The following PAK5 variants were observed in gnomAD, a reference collection of about 807,000 sequenced individuals.
The protein encoded by PAK5 is serine/threonine-protein kinase PAK 5.
Under a neutral mutation model 65.9 loss-of-function variants are expected in PAK5, and 16 were observed. The observed-to-expected ratio is 0.24, with a 90% CI of 0.16 to 0.37. PAK5 has a LOEUF of 0.37. Among genes scored for constraint, PAK5 ranks in the 10% least tolerant of loss-of-function variants. The pLI is 1.00. For missense variants in PAK5, 785 were observed against 903.9 expected, an observed-to-expected ratio of 0.87 and a Z score of 1.69; for synonymous variants, 371 against 354.9, an observed-to-expected ratio of 1.05 and a Z score of -0.51.
intron 1 of PAK5, among the ~76,000 whole-genome samples, chr20:9,761,126 G>A (rs1271487737): frequency 1.3e-5 from 2 of 152,246 alleles, no homozygotes; most frequent in Non-Finnish European, 1.5e-5. Flanking sequence ...CGCAACAGAA[G>A]TTTAAAAGGA....
chr20:9,762,177 A>G (rs1236098212), intron 1 of PAK5, among the ~76,000 whole-genome samples: 1 of 152,192 alleles, frequency 6.6e-6, no homozygotes. Flanking sequence ...GAACACAGAG[A>G]AAAAATTCTT....
chr20:9,557,490 T>C, intron 7 of PAK5, 118 bp downstream of exon 7: 3 of 744,970 alleles, frequency 4.0e-6, no homozygotes, highest in Admixed American at 3.2e-5. Flanking sequence ...GGAAGAGAAG[T>C]AGGTGACTTG....
At chr20:9,574,841 G>GCTT (rs1204109779) in intron 4 of PAK5, among the ~76,000 whole-genome samples, 2 of 152,138 alleles carry the variant, frequency 1.3e-5, no homozygotes, top group African/African-American at 4.8e-5. Flanking sequence ...GTGATCAAGT[G>GCTT]CTTCTCTCTT....
intron 3 of PAK5, among the ~76,000 whole-genome samples, chr20:9,601,235 G>A: frequency 6.6e-6 from 1 of 152,126 alleles, no homozygotes; most frequent in Non-Finnish European, 1.5e-5. Flanking sequence ...TTAATTTCAT[G>A]TGTAAGCATA....
intron 3 of PAK5, among the ~76,000 whole-genome samples, chr20:9,609,469 A>G (rs2046517495): frequency 6.6e-6 from 1 of 152,150 alleles, no homozygotes; most frequent in Non-Finnish European, 1.5e-5. Flanking sequence ...AGGCAAAGAC[A>G]CTCAAGGGGA....
intron 1 of PAK5, among the ~76,000 whole-genome samples, chr20:9,826,781 C>G (rs1335559716): frequency 6.6e-6 from 1 of 152,138 alleles, no homozygotes; most frequent in East Asian, 1.9e-4. Flanking sequence ...ATATAAAACC[C>G]CAGCTTTCAC....
chr20:9,553,019 G>A lies in PAK5; in HGVS notation c.1743+4589C>T, dbSNP rs564003602. On this transcript the variant is annotated intron_variant, in intron 7 of 9. Coordinates refer to ENST00000353224, the MANE Select transcript of PAK5 (RefSeq NM_177990.4). ...TGAGATTACAGATGTGAGCCACCAC[G>A]CCCTGCCAACTTTTTAATTTTTAAA... Among the ~76,000 whole-genome samples the A allele has an allele frequency of 1.9e-3, 294 of 152,106 alleles. 1 individual carries two copies. The highest frequency in any genetic ancestry group is 3.4e-4 in the Non-Finnish European group (23 of 67,988).
At chr20:9,651,425 G>T (rs1373642260) in intron 2 of PAK5, among the ~76,000 whole-genome samples, 5 of 152,180 alleles carry the variant, frequency 3.3e-5, no homozygotes, top group African/African-American at 1.2e-4. Context: ...TAGAGGAGCA[G>T]CTACTTGACC....
chr20:9,700,541 C>G (rs1267029425), intron 2 of PAK5, among the ~76,000 whole-genome samples: 2 of 152,172 alleles, frequency 1.3e-5, no homozygotes, highest in Admixed American at 1.3e-4. Context: ...CCATCATGCA[C>G]TAGTTTTCCT....
intron 3 of PAK5, among the ~76,000 whole-genome samples, chr20:9,620,959 AAGAGAGAGAGAG>A (rs71803029): frequency 2.0e-5 from 3 of 147,158 alleles, no homozygotes; most frequent in East Asian, 2.0e-4. Context: ...GAGAGAGAGA[AAGAGAGAGAGAG>A]AGAGAGAGAG....
At chr20:9,730,833 A>T (rs1001534090) in intron 1 of PAK5, among the ~76,000 whole-genome samples, 6 of 152,216 alleles carry the variant, frequency 3.9e-5, no homozygotes, top group Admixed American at 2.6e-4. Context: ...CTATTATATA[A>T]GGACTCAGCC....
At chr20:9,677,440 C>A (rs1180812228) in intron 2 of PAK5, among the ~76,000 whole-genome samples, 1 of 152,130 alleles carries the variant, frequency 6.6e-6, no homozygotes, top group Non-Finnish European at 1.5e-5. Context: ...GCAGGGCCTG[C>A]ACCATAGGCT....
chr20:9,710,125 A>C (rs1029863052), intron 2 of PAK5, among the ~76,000 whole-genome samples: 1 of 151,654 alleles, frequency 6.6e-6, no homozygotes, highest in African/African-American at 2.4e-5. Context: ...TCCTTAAAAA[A>C]CTCTTGTTTC....
At chr20:9,678,737 A>C (rs2047609272) in intron 2 of PAK5, among the ~76,000 whole-genome samples, 1 of 152,120 alleles carries the variant, frequency 6.6e-6, no homozygotes, top group South Asian at 2.1e-4. Flanking sequence ...TGCCAAGCAA[A>C]AGGGGGGAAA....
intron 2 of PAK5, among the ~76,000 whole-genome samples, chr20:9,649,619 A>AGGCAT (rs1157905162): frequency 1.3e-5 from 2 of 152,168 alleles, no homozygotes; most frequent in African/African-American, 4.8e-5. Flanking sequence ...TCCAACATGC[A>AGGCAT]GGCATCTCCC....
At chr20:9,627,713 G>A (rs1198281799) in intron 3 of PAK5, among the ~76,000 whole-genome samples, 2 of 151,816 alleles carry the variant, frequency 1.3e-5, no homozygotes, top group Non-Finnish European at 1.5e-5. Flanking sequence ...TGCAACCTCC[G>A]CCTCCTGGGT....
intron 2 of PAK5, among the ~76,000 whole-genome samples, chr20:9,677,146 A>C (rs926398199): frequency 6.6e-6 from 1 of 152,082 alleles, no homozygotes; most frequent in African/African-American, 2.4e-5. Context: ...TTTTTTAAAA[A>C]TTTAAAGCAA....
intron 1 of PAK5, among the ~76,000 whole-genome samples, chr20:9,714,396 C>G (rs1412786758): frequency 6.6e-6 from 1 of 152,082 alleles, no homozygotes; most frequent in Non-Finnish European, 1.5e-5. Flanking sequence ...AAGGTCCATA[C>G]TTAGTTCCTT....
chr20:9,690,284 T>C (rs1344419095), intron 2 of PAK5, among the ~76,000 whole-genome samples: 1 of 152,182 alleles, frequency 6.6e-6, no homozygotes, highest in Non-Finnish European at 1.5e-5. Context: ...TGTTCTTCAA[T>C]ATGGACTGCT....
Sources: gnomAD v4.1 joint callset for allele counts (sites outside exome capture counted in the v4.1 genomes callset) on GRCh38, gnomAD v4.1.1 for gene constraint, MANE v1.5 for transcripts, NCBI Gene and HGNC (gene_info 2026-07-23, HGNC 2026-07-21) for gene names.